GNAZ: variants seen among roughly 807,000 people sequenced by gnomAD.
GNAZ encodes guanine nucleotide-binding protein G(z) subunit alpha.
In GNAZ, 3 loss-of-function variants were observed where a neutral mutation model predicts 25.4. The ratio of observed to expected loss-of-function variants is 0.12; its 90% CI spans 0.05 to 0.30. GNAZ has a LOEUF of 0.30. Among genes scored for constraint, GNAZ ranks in the 10% least tolerant of loss-of-function variants. GNAZ has a pLI of 1.00. For synonymous variants in GNAZ, 211 were observed against 205.7 expected (o/e 1.03, Z -0.22); for missense variants, 241 against 501.8 (o/e 0.48, Z 4.97).
chr22:23,113,313 C>G (rs912857967), intron 2 of GNAZ, among the ~76,000 whole-genome samples: 1 of 152,226 alleles, frequency 6.6e-6, no homozygotes, highest in Admixed American at 6.5e-5. Context: ...GGCTCCCACC[C>G]CAGCACTCTG....
chr22:23,124,059 A>T lies in GNAZ; in HGVS notation c.*628A>T, dbSNP rs1346091607. 4.4e-6 allele frequency: 1 copy of T among 227,198 alleles called. No individual in the cohort carries two copies. The highest frequency in any genetic ancestry group is 9.0e-6 in the Non-Finnish European group (1 of 111,584). 14.1% of individuals were successfully genotyped at this position (227,198 alleles called of 1,614,324 possible). Reference sequence around the variant, plus strand: ...CAGCTCTTTTTAAAAAACAGCTTCAAAATATGCAGCAAAAACCAATACAAC... The same window carrying T: ...CAGCTCTTTTTAAAAAACAGCTTCATAATATGCAGCAAAAACCAATACAAC... On this transcript the variant is annotated 3_prime_UTR_variant, in exon 3 of 3. Coordinates refer to ENST00000615612, the MANE Select transcript of GNAZ (RefSeq NM_002073.4).
intron 2 of GNAZ, among the ~76,000 whole-genome samples, chr22:23,102,785 A>G (rs1421952700): frequency 1.3e-5 from 2 of 152,260 alleles, no homozygotes; most frequent in Non-Finnish European, 2.9e-5. Context: ...TGCAGCAGCC[A>G]GGAGGCCAAC....
intron 1 of GNAZ, among the ~76,000 whole-genome samples, chr22:23,088,600 AG>A (rs535253875): frequency 2.0e-4 from 31 of 152,320 alleles, no homozygotes; most frequent in African/African-American, 7.5e-4. Flanking sequence ...GGTGAGTGGC[AG>A]GTAGGCGCAG....
intron 2 of GNAZ, among the ~76,000 whole-genome samples, chr22:23,116,523 A>G (rs1336771972): frequency 2.0e-5 from 3 of 152,262 alleles, no homozygotes; most frequent in African/African-American, 4.8e-5. Context: ...TGGTCTTAGC[A>G]GGACACCTGT....
In GNAZ at chr22:23,124,103, T is replaced by C. The variant is rs2070107203; in HGVS notation, c.*672T>C. On this transcript the variant is annotated 3_prime_UTR_variant, in exon 3 of 3. Transcript: ENST00000615612. ...ATACAACAAAACGAGTGGCACGATT[T>C]ATTTCAAACTAGGCCAGCTGGGATT... is the stretch of plus-strand genomic sequence containing the variant. 4.8e-6 allele frequency: 1 copy of C among 210,218 alleles called. No individual in the cohort carries two copies. The allele number at this position is 210,218 out of a possible 1,614,324, so 13.0% of individuals were successfully genotyped here.
intron 1 of GNAZ, among the ~76,000 whole-genome samples, chr22:23,086,088 G>A (rs1275585567): frequency 2.0e-5 from 3 of 152,246 alleles, no homozygotes; most frequent in Non-Finnish European, 4.4e-5. Context: ...TACGGCGGGT[G>A]ACCCTGGCTT....
At chr22:23,120,925 G>C (rs973212483) in intron 2 of GNAZ, among the ~76,000 whole-genome samples, 1 of 152,114 alleles carries the variant, frequency 6.6e-6, no homozygotes, top group African/African-American at 2.4e-5. Context: ...CAAAATTTGG[G>C]GTCAGAAGCA....
chr22:23,104,018 G>A (rs1167905614), intron 2 of GNAZ, among the ~76,000 whole-genome samples: 3 of 152,166 alleles, frequency 2.0e-5, no homozygotes, highest in Non-Finnish European at 4.4e-5. Context: ...AGAGACGGGG[G>A]CCTAGACGTT....
At chr22:23,087,340 C>T (rs2068847212) in intron 1 of GNAZ, among the ~76,000 whole-genome samples, 1 of 152,128 alleles carries the variant, frequency 6.6e-6, no homozygotes, top group Non-Finnish European at 1.5e-5. Context: ...GTGGCGCGTG[C>T]CTGCAGTCCC....
intron 2 of GNAZ, among the ~76,000 whole-genome samples, chr22:23,121,614 C>T (rs1313879421): frequency 6.6e-6 from 1 of 152,174 alleles, no homozygotes; most frequent in African/African-American, 2.4e-5. Context: ...ATTGTCACTG[C>T]AGTCATTGGT....
At chr22:23,078,968 C>T (rs1296578667) in intron 1 of GNAZ, among the ~76,000 whole-genome samples, 1 of 152,196 alleles carries the variant, frequency 6.6e-6, no homozygotes, top group African/African-American at 2.4e-5. Context: ...TCCAGAAGAC[C>T]TCCCAGAAGT....
At chr22:23,091,959 C>T (rs58292434) in intron 1 of GNAZ, among the ~76,000 whole-genome samples, 5,181 of 152,238 alleles carry the variant, frequency 0.034, 307 homozygotes, top group African/African-American at 0.12. Context: ...CATCCCCACA[C>T]ACCGCAGGGC....
intron 1 of GNAZ, among the ~76,000 whole-genome samples, chr22:23,085,313 A>G (rs2068787967): frequency 6.6e-6 from 1 of 152,164 alleles, no homozygotes; most frequent in Non-Finnish European, 1.5e-5. Context: ...CAGCGAGAAT[A>G]CAAGCTCCTT....
chr22:23,071,617 G>C lies in GNAZ; in HGVS notation c.-450+1047G>C, dbSNP rs1381030523. On this transcript the variant is annotated intron_variant, in intron 1 of 2. Coordinates refer to ENST00000615612, the MANE Select transcript of GNAZ (RefSeq NM_002073.4). This position sits in a 1 kb window ranked among gnomAD's most constrained non-coding sequence, Gnocchi z 4.1. ...GCTTGACGCTGGGGTGCACCGGGTGGGAGTGGACTGGGCCTGCCCTCCCAG... is the reference window on the plus strand; with the variant it reads ...GCTTGACGCTGGGGTGCACCGGGTGCGAGTGGACTGGGCCTGCCCTCCCAG... Among the ~76,000 whole-genome samples, 1 of 152,208 alleles carries C rather than the reference G, an allele frequency of 6.6e-6. No individual in the cohort carries two copies. The highest frequency in any genetic ancestry group is 2.4e-5 in the African/African-American group (1 of 41,448).
chr22:23,112,250 C>T (rs1196599069), intron 2 of GNAZ, among the ~76,000 whole-genome samples: 1 of 152,248 alleles, frequency 6.6e-6, no homozygotes, highest in Non-Finnish European at 1.5e-5. Flanking sequence ...CCAGCTGCCA[C>T]AGCCCCAGGC....
intron 1 of GNAZ, among the ~76,000 whole-genome samples, chr22:23,089,273 C>T (rs2068896342): frequency 6.6e-6 from 1 of 152,212 alleles, no homozygotes; most frequent in Admixed American, 6.5e-5. Flanking sequence ...CTTCTTCTGC[C>T]TCAGCCGGGG....
rs144062135 is a variant in GNAZ at position 23,083,199 on chromosome 22, T to C, written c.-449-12048T>C. On this transcript the variant is annotated intron_variant, in intron 1 of 2. Coordinates refer to ENST00000615612, the MANE Select transcript of GNAZ (RefSeq NM_002073.4). ...GGTGTGATGCACATTTGAGAAATAT[T>C]TGTGGAAAGCAGAAGCAAGAGGGCT... 8.4e-3 allele frequency among the ~76,000 whole-genome samples: 1,273 copies of C among 151,944 alleles called. 10 individuals are homozygous for C. The highest frequency in any genetic ancestry group is 0.024 in the South Asian group (116 of 4,788).
intron 2 of GNAZ, among the ~76,000 whole-genome samples, chr22:23,107,101 T>A (rs2069505729): frequency 6.6e-6 from 1 of 152,192 alleles, no homozygotes; most frequent in Non-Finnish European, 1.5e-5. Flanking sequence ...CGGCAGCCTG[T>A]TATCTTGTTT....
At position 23,095,721 on chromosome 22, in the gene GNAZ, A is replaced by C; in HGVS notation, c.26A>C (p.Glu9Ala). The C allele has an allele frequency of 6.2e-7, 1 of 1,610,282 alleles. No homozygotes were observed. Among genetic ancestry groups the C allele is most frequent in the Non-Finnish European group, 8.5e-7 (1 of 1,178,726 alleles). Residue 9 changes from glutamate (E) to alanine (A), a missense_variant, in exon 2 of 3, where the codon GAA (glutamate) becomes GCA (alanine). Glu to Ala is a moderately radical substitution (Grantham distance 107). Coordinates refer to ENST00000615612, the MANE Select transcript of GNAZ (RefSeq NM_002073.4). The stretch of plus-strand genomic sequence containing the variant: ...ATGGGATGTCGGCAAAGCTCAGAGG[A>C]AAAAGAAGCAGCCCGGCGGTCCCGG... MGCRQSSE[E>A]KEAARRSRRI...
Sources: gnomAD v4.1 joint callset for allele counts (sites outside exome capture counted in the v4.1 genomes callset) on GRCh38, gnomAD v4.1.1 for gene constraint, Gnocchi (gnomAD v3.1) non-coding constraint, MANE v1.5 for transcripts, NCBI Gene and HGNC (gene_info 2026-07-23, HGNC 2026-07-21) for gene names.